Variants in NCEH1 observed in about 807,000 individuals in gnomAD.
The protein encoded by NCEH1 is neutral cholesterol ester hydrolase 1.
NCEH1 carries 9 observed loss-of-function variants against 25.4 expected under a neutral mutation model. The ratio of observed to expected loss-of-function variants is 0.35; its 90% CI spans 0.21 to 0.62. The LOEUF (loss-of-function observed/expected upper bound fraction) is 0.62, where lower values mean the gene tolerates loss of function less well. Ranked by LOEUF, NCEH1 falls within the 20% of genes least tolerant of loss-of-function variation. The pLI is 0.72. For missense variants in NCEH1, 412 were observed against 501.1 expected, an observed-to-expected ratio of 0.82 and a Z score of 1.70; for synonymous variants, 200 against 199.8, an observed-to-expected ratio of 1.00 and a Z score of -0.01.
At chr3:172,638,313 T>TA (rs1271956745) in intron 3 of NCEH1, among the ~76,000 whole-genome samples, 1 of 146,070 alleles carries the variant, frequency 6.8e-6, no homozygotes, top group Non-Finnish European at 1.5e-5. Flanking sequence ...AAAAATCCCT[T>TA]AGCGTTTGCC....
intron 3 of NCEH1, among the ~76,000 whole-genome samples, chr3:172,639,337 A>C (rs1196440427): frequency 6.6e-6 from 1 of 152,004 alleles, no homozygotes; most frequent in Non-Finnish European, 1.5e-5. Context: ...AGACTGAAGA[A>C]TATCCTGAAA....
At chr3:172,690,319 T>C (rs1395355637) in intron 1 of NCEH1, among the ~76,000 whole-genome samples, 2 of 152,190 alleles carry the variant, frequency 1.3e-5, no homozygotes, top group East Asian at 3.8e-4. Context: ...GCAATAAATA[T>C]TCATTGAAGG....
intron 3 of NCEH1, among the ~76,000 whole-genome samples, chr3:172,645,082 T>C (rs1451180676): frequency 6.6e-6 from 1 of 152,202 alleles, no homozygotes; most frequent in East Asian, 1.9e-4. Flanking sequence ...ATCATCAAAA[T>C]TATTATAATT....
intron 1 of NCEH1, among the ~76,000 whole-genome samples, chr3:172,666,741 G>A (rs745399067): frequency 3.3e-5 from 5 of 152,130 alleles, no homozygotes; most frequent in East Asian, 3.9e-4. Context: ...GCTGTCTGCC[G>A]GCTATCCTGT....
intron 1 of NCEH1, among the ~76,000 whole-genome samples, chr3:172,690,693 A>C (rs992391738): frequency 6.6e-6 from 1 of 152,216 alleles, no homozygotes; most frequent in Non-Finnish European, 1.5e-5. Context: ...AGGTTTAAAA[A>C]TGACACAAGC....
intron 3 of NCEH1, among the ~76,000 whole-genome samples, chr3:172,642,711 G>C (rs1428178769): frequency 6.6e-6 from 1 of 151,684 alleles, no homozygotes; most frequent in African/African-American, 2.4e-5. Flanking sequence ...GCTAGATAGA[G>C]CAATAATCCT....
intron 1 of NCEH1, among the ~76,000 whole-genome samples, chr3:172,682,420 A>T (rs892962165): frequency 6.6e-6 from 1 of 152,178 alleles, no homozygotes; most frequent in Non-Finnish European, 1.5e-5. Flanking sequence ...CCTGTTACGT[A>T]TAAGTCCTGG....
At chr3:172,697,911 T>C (rs553502568) in intron 1 of NCEH1, among the ~76,000 whole-genome samples, 204 of 152,310 alleles carry the variant, frequency 1.3e-3, no homozygotes, top group Non-Finnish European at 2.5e-3. Context: ...GCATCTATTA[T>C]TATGCAGATA....
intron 1 of NCEH1, among the ~76,000 whole-genome samples, chr3:172,675,318 TAAATAAATAAATAAATA>T (rs1560197022): frequency 2.0e-5 from 3 of 149,838 alleles, no homozygotes; most frequent in African/African-American, 7.5e-5. Context: ...AATAAATAAA[TAAATAAATAAATAAATA>T]AATAAATGAT....
chr3:172,647,752 G>A, intron 2 of NCEH1, 134 bp downstream of exon 2: 1 of 1,232,112 alleles, frequency 8.1e-7, no homozygotes, highest in Admixed American at 2.4e-5. Context: ...TGGGACAACA[G>A]GGGTAACTGG....
At chr3:172,670,488 G>A (rs546838667) in intron 1 of NCEH1, among the ~76,000 whole-genome samples, 46 of 152,362 alleles carry the variant, frequency 3.0e-4, no homozygotes, top group Admixed American at 2.9e-3. Context: ...TCCTGACTAT[G>A]AGGAAAGCTG....
At chr3:172,685,066 G>C (rs111706488) in intron 1 of NCEH1, among the ~76,000 whole-genome samples, 1 of 151,526 alleles carries the variant, frequency 6.6e-6, no homozygotes, top group African/African-American at 2.4e-5. Context: ...AGGCCAAGGC[G>C]GGTGGACTGC....
intron 3 of NCEH1, 137 bp from the exon 4 acceptor site, chr3:172,636,224 A>G (rs980566451): frequency 4.0e-6 from 2 of 501,166 alleles, no homozygotes. Context: ...ATGAAAAAGA[A>G]AAAATAATAA....
rs1577049344 is a variant in NCEH1 at position 172,635,776 on chromosome 3, G to A, written c.609+140C>T. The stretch of plus-strand genomic sequence containing the variant: ...CGAGATCTCTGAGAGCTCTACAAGT[G>A]TAATCACATGAACAATTTGGCCATC... On this transcript the variant is annotated intron_variant, in intron 4 of 4. Coordinates refer to ENST00000475381, the MANE Select transcript of NCEH1 (RefSeq NM_020792.6). 7.0e-5 allele frequency: 48 copies of A among 681,966 alleles called. No homozygotes were observed. In the East Asian group the frequency reaches 1.2e-3, roughly 17 times the overall value. The allele number at this position is 681,966 out of a possible 1,614,324, so 42.2% of individuals were successfully genotyped here.
At chr3:172,701,525 C>T (rs1016735083) in intron 1 of NCEH1, among the ~76,000 whole-genome samples, 2 of 143,738 alleles carry the variant, frequency 1.4e-5, no homozygotes, top group African/African-American at 5.3e-5. Flanking sequence ...TCTTGGCTGA[C>T]TGCAACCTCC....
chr3:172,678,661 T>A (rs1712156188), intron 1 of NCEH1, among the ~76,000 whole-genome samples: 1 of 152,054 alleles, frequency 6.6e-6, no homozygotes, highest in Admixed American at 6.6e-5. Flanking sequence ...TCCATATTTA[T>A]TTTTTACCTA....
intron 1 of NCEH1, among the ~76,000 whole-genome samples, chr3:172,660,167 A>G (rs543289217): frequency 4.5e-4 from 49 of 109,056 alleles, no homozygotes; most frequent in Admixed American, 2.0e-3. Context: ...GATGCTCCCC[A>G]CCCTGTGTCC....
chr3:172,648,222 G>A, intron 1 of NCEH1, 108 bp from the exon 2 acceptor site: 1 of 1,297,674 alleles, frequency 7.7e-7, no homozygotes, highest in Non-Finnish European at 1.1e-6. Context: ...GCTGCCACTG[G>A]ACTGGAGGGC....
chr3:172,645,498 G>T, intron 3 of NCEH1, 125 bp downstream of exon 3: 1 of 568,954 alleles, frequency 1.8e-6, no homozygotes, highest in Non-Finnish European at 3.2e-6. Context: ...GTGACTTTGG[G>T]CATATCTCTT....
Sources: gnomAD v4.1 joint callset for allele counts (sites outside exome capture counted in the v4.1 genomes callset) on GRCh38, gnomAD v4.1.1 for gene constraint, MANE v1.5 for transcripts, NCBI Gene and HGNC (gene_info 2026-07-23, HGNC 2026-07-21) for gene names.